LCN1: variants seen among roughly 807,000 people sequenced by gnomAD.
The protein encoded by LCN1 is lipocalin 1.
LCN1 carries 25 observed loss-of-function variants against 22.3 expected under a neutral mutation model. The observed-to-expected ratio is 1.12, with a 90% CI of 0.82 to 1.56. The LOEUF (loss-of-function observed/expected upper bound fraction) is 1.56. Among genes scored for constraint, LCN1 ranks in the 40% most tolerant of loss-of-function variants. LCN1 has a pLI of 0.00. For synonymous variants in LCN1, 85 were observed against 97.6 expected (o/e 0.87, Z 0.76); for missense variants, 219 against 235.6 (o/e 0.93, Z 0.46).
intron 6 of LCN1, 119 bp downstream of exon 6, chr9:135,525,277 A>ATGG: frequency 2.0e-6 from 2 of 997,044 alleles, no homozygotes; most frequent in South Asian, 1.6e-5. Flanking sequence ...GAGATGCCCC[A>ATGG]CGTAGGTCAG....
At chr9:135,524,568 G>A (rs59238865) in intron 4 of LCN1, among the ~76,000 whole-genome samples, 10,002 of 152,200 alleles carry the variant, frequency 0.066, 383 homozygotes, top group African/African-American at 0.095. Context: ...TGGGCCTGTC[G>A]TGCCGTCCAT....
Position 135,524,928 on chromosome 9 carries a change from A to T in LCN1, c.502A>T (p.Ser168Cys). The T allele has an allele frequency of 6.2e-7, 1 of 1,605,136 alleles. No individual in the cohort carries two copies. Among genetic ancestry groups the T allele is most frequent in the Non-Finnish European group, 8.5e-7 (1 of 1,176,214 alleles). The change falls in exon 5 of 7, where the codon AGC becomes TGC. Residue 168 changes from serine to cysteine, a missense_variant. Coordinates refer to ENST00000371781, the MANE Select transcript of LCN1 (RefSeq NM_002297.4). ...GGAGAGCATCCTCATCCCCAGGCAGAGCGGTAGGAGGCATGGCCCTGCAGA... is the reference window on the plus strand; with the variant it reads ...GGAGAGCATCCTCATCCCCAGGCAGTGCGGTAGGAGGCATGGCCCTGCAGA... Reference protein sequence around the residue: ...STESILIPRQSETCSPGSD With the variant: ...STESILIPRQCETCSPGSD
intron 6 of LCN1, among the ~76,000 whole-genome samples, chr9:135,525,687 C>A (rs1831622820): frequency 6.6e-6 from 1 of 152,064 alleles, no homozygotes; most frequent in Non-Finnish European, 1.5e-5. Flanking sequence ...CCTTCCCGCA[C>A]CCTCCCCTTG....
chr9:135,522,739 C>T (rs1467527785), intron 2 of LCN1, among the ~76,000 whole-genome samples: 6 of 152,232 alleles, frequency 3.9e-5, no homozygotes, highest in African/African-American at 7.2e-5. Context: ...GCCTGTGCTC[C>T]GGTCCTGGGG....
At chr9:135,523,437 C>T (rs1373597043) in intron 3 of LCN1, 135 bp downstream of exon 3, 5 of 717,494 alleles carry the variant, frequency 7.0e-6, no homozygotes, top group African/African-American at 1.8e-5. Flanking sequence ...AAAGCCCACT[C>T]TCTTCTCCCA....
At chr9:135,523,818 C>A in intron 3 of LCN1, 62 bp from the exon 4 acceptor site, 1 of 1,422,928 alleles carries the variant, frequency 7.0e-7, no homozygotes, top group Middle Eastern at 1.8e-4. Context: ...CGCACGCTGT[C>A]CCGGGATCCT....
rs189652297 is a variant in LCN1 at position 135,524,261 on chromosome 9, G to C, written c.403+271G>C. Among the ~76,000 whole-genome samples the C allele has an allele frequency of 5.7e-3, 870 of 152,348 alleles. 9 individuals carry two copies. Among genetic ancestry groups the C allele is most frequent in the African/African-American group, 0.02 (821 of 41,588 alleles). On this transcript the variant is annotated intron_variant, in intron 4 of 6. Coordinates refer to ENST00000371781, the MANE Select transcript of LCN1 (RefSeq NM_002297.4). Reference sequence around the variant, plus strand: ...AAAGGTCACACATGTCCCAGAGTGGGCCAGGCCCTCCCCCGGAGCAGCTCC... The same window carrying C: ...AAAGGTCACACATGTCCCAGAGTGGCCCAGGCCCTCCCCCGGAGCAGCTCC...
chr9:135,523,732 T>A (rs79295329), intron 3 of LCN1, 148 bp from the exon 4 acceptor site: 14 of 681,246 alleles, frequency 2.1e-5, no homozygotes, highest in Non-Finnish European at 2.6e-6. Context: ...GGCTCAGGCC[T>A]GGTGGGGAAC....
At chr9:135,524,768 G>C in intron 4 of LCN1, 62 bp from the exon 5 acceptor site, 1 of 1,339,776 alleles carries the variant, frequency 7.5e-7, no homozygotes, top group Non-Finnish European at 1.0e-6. Flanking sequence ...CTCCAGACTG[G>C]GATGGGGTGC....
intron 5 of LCN1, 62 bp from the exon 6 acceptor site, chr9:135,525,069 AG>A: frequency 6.3e-7 from 1 of 1,586,580 alleles, no homozygotes; most frequent in Non-Finnish European, 8.6e-7. Context: ...GTGGCTGATG[AG>A]GGGCCCCGGT....
At chr9:135,522,207 T>A (rs761908779) in intron 2 of LCN1, 30 bp downstream of exon 2, 6 of 1,598,422 alleles carry the variant, frequency 3.8e-6, no homozygotes, top group Non-Finnish European at 4.3e-6. Flanking sequence ...CCGGGCAGCC[T>A]GCAACCTGGT....
At chr9:135,522,846 G>T (rs770659050) in intron 2 of LCN1, among the ~76,000 whole-genome samples, 1 of 152,224 alleles carries the variant, frequency 6.6e-6, no homozygotes, top group Non-Finnish European at 1.5e-5. Context: ...GCCAGATGAT[G>T]ATGGATATGG....
chr9:135,522,282 G>T, intron 2 of LCN1, 105 bp downstream of exon 2: 2 of 1,448,206 alleles, frequency 1.4e-6, no homozygotes, highest in Non-Finnish European at 1.9e-6. Flanking sequence ...GACCTGCTGG[G>T]AGGCCTCTCT....
intron 2 of LCN1, 125 bp downstream of exon 2, chr9:135,522,302 C>T: frequency 7.2e-7 from 1 of 1,393,598 alleles, no homozygotes; most frequent in Non-Finnish European, 9.7e-7. Context: ...TCGGCCCCTC[C>T]TGCAATGCTT....
intron 6 of LCN1, 68 bp from the exon 7 acceptor site, chr9:135,526,276 C>T (rs1214533315): frequency 1.3e-5 from 7 of 545,652 alleles, no homozygotes; most frequent in Middle Eastern, 3.6e-4. Context: ...AGCCCACATG[C>T]GCCCCCACAT....
rs899900526 is a variant in LCN1 at position 135,524,132 on chromosome 9, T to C, written c.403+142T>C. On this transcript the variant is annotated intron_variant, in intron 4 of 6. Coordinates refer to ENST00000371781, the MANE Select transcript of LCN1 (RefSeq NM_002297.4). The stretch of plus-strand genomic sequence containing the variant: ...GTTTTCTTAGGATGAGTTTTCCTGA[T>C]AAAGGCCTCAATTCCCACCCCTGGA... The C allele has an allele frequency of 6.1e-5, 40 of 656,672 alleles. No individual in the cohort carries two copies. The African/African-American group carries it at 6.8e-4, about 11-fold the overall frequency. The allele number at this position is 656,672 out of a possible 1,614,324, so 40.7% of individuals were successfully genotyped here.
At chr9:135,526,317 C>T (rs1298552772) in intron 6 of LCN1, 27 bp from the exon 7 acceptor site, 2 of 1,182,208 alleles carry the variant, frequency 1.7e-6, no homozygotes, top group Non-Finnish European at 2.2e-6. Flanking sequence ...GCTGTCCTGG[C>T]CTCACTCACC....
chr9:135,523,854 A>G (rs1251030896), intron 3 of LCN1, 26 bp from the exon 4 acceptor site: 2 of 1,599,998 alleles, frequency 1.3e-6, no homozygotes, highest in Middle Eastern at 3.3e-4. Flanking sequence ...TGGCTAATTC[A>G]GGAATGTGCT....
chr9:135,526,256 AG>A (rs1831647572), intron 6 of LCN1, 87 bp from the exon 7 acceptor site: 1 of 258,994 alleles, frequency 3.9e-6, no homozygotes, highest in Admixed American at 6.1e-5. Context: ...CCCACACTGC[AG>A]CACCCAAGAG....
Sources: gnomAD v4.1 joint callset for allele counts (sites outside exome capture counted in the v4.1 genomes callset) on GRCh38, gnomAD v4.1.1 for gene constraint, MANE v1.5 for transcripts, NCBI Gene and HGNC (gene_info 2026-07-23, HGNC 2026-07-21) for gene names.